Variants in EPC2 observed in about 807,000 individuals in gnomAD.
EPC2 encodes the protein enhancer of polycomb 2.
EPC2 carries 14 observed loss-of-function variants against 92.1 expected under a neutral mutation model. The ratio of observed to expected loss-of-function variants is 0.15; its 90% CI spans 0.10 to 0.24. EPC2 has a LOEUF of 0.24. EPC2 is among the 10% of genes least tolerant of loss of function. The pLI is 1.00. For synonymous variants in EPC2, 340 were observed against 334.7 expected (o/e 1.02, Z -0.17); for missense variants, 755 against 971.5 (o/e 0.78, Z 2.96).
chr2:148,669,428 G>A (rs114268485), intron 1 of EPC2, among the ~76,000 whole-genome samples: 2,608 of 152,314 alleles, frequency 0.017, 71 homozygotes, highest in African/African-American at 0.059. Context: ...TGTAATCCCA[G>A]CACTTTGAAA....
intron 2 of EPC2, among the ~76,000 whole-genome samples, chr2:148,718,502 G>A (rs570475904): frequency 4.6e-4 from 70 of 152,210 alleles, no homozygotes; most frequent in African/African-American, 1.6e-3. Flanking sequence ...ATGAAGCTTA[G>A]TTTGGCCCAA....
intron 2 of EPC2, among the ~76,000 whole-genome samples, chr2:148,730,675 T>C (rs1173021393): frequency 6.6e-6 from 1 of 152,150 alleles, no homozygotes; most frequent in African/African-American, 2.4e-5. Flanking sequence ...AGGAGGGGCA[T>C]CTGAGTCTGT....
chr2:148,698,601 A>G (rs1681800786), intron 2 of EPC2, among the ~76,000 whole-genome samples: 1 of 122,384 alleles, frequency 8.2e-6, no homozygotes, highest in African/African-American at 3.1e-5. Flanking sequence ...GTGCCATTGC[A>G]CTCCAGCCTG....
intron 1 of EPC2, among the ~76,000 whole-genome samples, chr2:148,669,508 C>G (rs1681113474): frequency 6.6e-6 from 1 of 152,090 alleles, no homozygotes; most frequent in South Asian, 2.1e-4. Flanking sequence ...AAGACCCTGT[C>G]TCTACAAAAG....
chr2:148,777,322 C>G (rs1254326363), intron 10 of EPC2, among the ~76,000 whole-genome samples: 1 of 152,030 alleles, frequency 6.6e-6, no homozygotes, highest in Admixed American at 6.5e-5. Context: ...AAAATTTGGT[C>G]TAGGCTAGTA....
At chr2:148,657,392 A>G (rs957549241) in intron 1 of EPC2, among the ~76,000 whole-genome samples, 1 of 152,132 alleles carries the variant, frequency 6.6e-6, no homozygotes, top group Non-Finnish European at 1.5e-5. Context: ...CCTCCCACAA[A>G]AATTTCCAAA....
intron 1 of EPC2, among the ~76,000 whole-genome samples, chr2:148,648,072 G>A (rs1683841251): frequency 6.6e-6 from 1 of 152,312 alleles, no homozygotes; most frequent in Admixed American, 6.5e-5. Context: ...GATAAAACTA[G>A]AGTTGAAACC....
chr2:148,685,801 A>G (rs888459376), intron 1 of EPC2, among the ~76,000 whole-genome samples: 8 of 152,236 alleles, frequency 5.3e-5, no homozygotes, highest in East Asian at 1.9e-4. Flanking sequence ...AGTTATGCTT[A>G]TACTATACTG....
chr2:148,715,809 T>C (rs1447813803), intron 2 of EPC2, among the ~76,000 whole-genome samples: 2 of 152,244 alleles, frequency 1.3e-5, no homozygotes, highest in Non-Finnish European at 2.9e-5. Flanking sequence ...TAAATTGTTT[T>C]GGGCAGTGTG....
intron 2 of EPC2, among the ~76,000 whole-genome samples, chr2:148,737,833 A>C (rs1227191729): frequency 2.6e-5 from 4 of 152,088 alleles, no homozygotes; most frequent in African/African-American, 9.7e-5. Context: ...AAGTGCAAAA[A>C]AATCTCATAA....
In EPC2 at chr2:148,761,963, C is replaced by T. The variant is rs774930594; in HGVS notation, c.815+33C>T. The stretch of plus-strand genomic sequence containing the variant: ...TGCTCCTGTTACAACAGTAAAATGA[C>T]AACTTTACCAAATGATGGGCAAAAT... On this transcript the variant is annotated intron_variant, in intron 5 of 13. Transcript: ENST00000258484. The T allele has an allele frequency of 6.6e-6, 10 of 1,525,374 alleles. No homozygotes were observed. The South Asian group carries it at 1.3e-4, about 21-fold the overall frequency. 94.5% of individuals were successfully genotyped at this position (1,525,374 alleles called of 1,614,324 possible).
At chr2:148,750,508 A>G (rs918696807) in intron 3 of EPC2, among the ~76,000 whole-genome samples, 2 of 152,066 alleles carry the variant, frequency 1.3e-5, no homozygotes, top group African/African-American at 4.8e-5. Context: ...GGGTCTTTGG[A>G]GAAGAAAATG....
intron 2 of EPC2, among the ~76,000 whole-genome samples, chr2:148,705,529 G>A (rs1283319453): frequency 6.6e-6 from 1 of 152,164 alleles, no homozygotes; most frequent in Non-Finnish European, 1.5e-5. Context: ...ACCTCCTCAA[G>A]TGGGTCCCTG....
chr2:148,666,992 G>A (rs1681069167), intron 1 of EPC2, among the ~76,000 whole-genome samples: 1 of 151,846 alleles, frequency 6.6e-6, no homozygotes, highest in African/African-American at 2.4e-5. Context: ...TGCCAACTAT[G>A]TAAATGAAAG....
At chr2:148,673,493 A>G (rs962166301) in intron 1 of EPC2, among the ~76,000 whole-genome samples, 4 of 152,294 alleles carry the variant, frequency 2.6e-5, no homozygotes, top group Non-Finnish European at 5.9e-5. Flanking sequence ...TTTCCAATTA[A>G]GTTATCATAT....
At chr2:148,692,662 A>G (rs1681667902) in intron 2 of EPC2, 1 of 152,200 alleles carries the variant, frequency 6.6e-6, no homozygotes, top group Admixed American at 6.5e-5. Flanking sequence ...TATTCATAAT[A>G]GAAATTTTAA....
chr2:148,717,693 C>T (rs922921238), intron 2 of EPC2, among the ~76,000 whole-genome samples: 12 of 152,066 alleles, frequency 7.9e-5, no homozygotes, highest in Admixed American at 2.0e-4. Flanking sequence ...AAGTAAGTGC[C>T]GTGCAGTAAT....
intron 1 of EPC2, among the ~76,000 whole-genome samples, chr2:148,664,972 A>G (rs547144019): frequency 1.3e-3 from 202 of 152,336 alleles, no homozygotes; most frequent in Non-Finnish European, 2.4e-3. Context: ...TAGTAGTTAC[A>G]TTTAAAAGGT....
intron 2 of EPC2, among the ~76,000 whole-genome samples, chr2:148,706,259 A>G (rs1033714420): frequency 2.6e-5 from 4 of 152,198 alleles, no homozygotes; most frequent in Non-Finnish European, 5.9e-5. Context: ...TCAGTCATTG[A>G]AGATCAAATG....
Sources: gnomAD v4.1 joint callset for allele counts (sites outside exome capture counted in the v4.1 genomes callset) on GRCh38, gnomAD v4.1.1 for gene constraint, MANE v1.5 for transcripts, NCBI Gene and HGNC (gene_info 2026-07-23, HGNC 2026-07-21) for gene names.